Variants in MYH9 observed in about 807,000 individuals in gnomAD.
MYH9 encodes the protein myosin-9.
A neutral mutation model predicts 241.9 loss-of-function variants in MYH9; 29 were observed. The ratio of observed to expected loss-of-function variants is 0.12; its 90% CI spans 0.09 to 0.16. The LOEUF (loss-of-function observed/expected upper bound fraction) is 0.16, where lower values mean the gene tolerates loss of function less well. MYH9 is among the 10% of genes least tolerant of loss of function. MYH9 has a pLI of 1.00. For missense variants in MYH9, 1,803 were observed against 2,595.5 expected (o/e 0.69, Z 6.63); for synonymous variants, 1,047 against 1,062.6 (o/e 0.99, Z 0.29).
At chr22:36,348,835 A>AGGGGGGGGGGGGGGGGGGG in intron 2 of MYH9, 69 bp downstream of exon 2, 5 of 868,990 alleles carry the variant, frequency 5.8e-6, no homozygotes, top group East Asian at 6.0e-5. Context: ...GGTGATGGGA[A>AGGGGGGGGGGGGGGGGGGG]GACCCGCCCC....
chr22:36,382,248 G>A (rs932440617), intron 1 of MYH9, among the ~76,000 whole-genome samples: 6 of 152,164 alleles, frequency 3.9e-5, no homozygotes, highest in Non-Finnish European at 8.8e-5. Flanking sequence ...GCCAAGGCGG[G>A]CGGATCACCT....
At chr22:36,299,408 CCT>C (rs745835495) in intron 23 of MYH9, among the ~76,000 whole-genome samples, 6 of 152,224 alleles carry the variant, frequency 3.9e-5, no homozygotes, top group Admixed American at 6.5e-5. Flanking sequence ...TCTCCGTGCC[CCT>C]CTCTCACCTG....
At chr22:36,307,481 C>T (rs1163919487) in intron 15 of MYH9, among the ~76,000 whole-genome samples, 3 of 152,222 alleles carry the variant, frequency 2.0e-5, no homozygotes, top group Non-Finnish European at 2.9e-5. Context: ...TGACGAAGCC[C>T]GTTTCGTATT....
At chr22:36,286,023 G>A (rs2016574613) in intron 35 of MYH9, 70 bp from the exon 36 acceptor site, 1 of 1,561,118 alleles carries the variant, frequency 6.4e-7, no homozygotes, top group Non-Finnish European at 8.7e-7. Flanking sequence ...CCCAGCCCCA[G>A]GCACCCTCCC....
chr22:36,316,461 A>G, intron 12 of MYH9, 56 bp downstream of exon 12: 1 of 1,613,328 alleles, frequency 6.2e-7, no homozygotes, highest in Admixed American at 1.7e-5. Flanking sequence ...AACCAAGGAT[A>G]AGGCAACCAA....
chr22:36,312,596 A>C (rs4820228), intron 13 of MYH9, among the ~76,000 whole-genome samples: 80,086 of 151,952 alleles, frequency 0.53, 23,759 homozygotes, highest in Non-Finnish European at 0.68. Flanking sequence ...GGAGATGCCA[A>C]CCCACATGCT....
intron 1 of MYH9, among the ~76,000 whole-genome samples, chr22:36,378,799 T>C (rs2018211177): frequency 6.6e-6 from 1 of 152,178 alleles, no homozygotes; most frequent in African/African-American, 2.4e-5. Context: ...CAGTATGTGT[T>C]GCTTGGCTAA....
At position 36,285,134 on chromosome 22, in the gene MYH9, C is replaced by T. The variant is rs376154206; in HGVS notation, c.5470G>A (p.Asp1824Asn). The part of the protein sequence containing the change: ...AKIAQLEEQL[D>N]NETKERQAAC... ...AGGGGCACGTACTTGGTCTCGTTGT[C>T]CAGCTGCTCCTCCAGCTGTGCAATC... Residue 1824 changes from aspartate (D) to asparagine (N), a missense_variant, in exon 38 of 41, where the codon GAC becomes AAC. By Grantham distance (23) the Asp-to-Asn change is conservative. Transcript: ENST00000216181. The surrounding 1 kb of genome is among the most constrained non-coding windows in gnomAD (Gnocchi z 7.0). 1 of 1,614,014 alleles carries T rather than the reference C, an allele frequency of 6.2e-7. No homozygotes were observed. The highest frequency in any genetic ancestry group is 8.5e-7 in the Non-Finnish European group (1 of 1,180,016).
rs542890016 is a variant in MYH9 at position 36,321,902 on chromosome 22, C to T, written c.706-81G>A. 166 of 1,244,036 alleles carry T rather than the reference C, an allele frequency of 1.3e-4. No homozygotes were observed. The South Asian group carries it at 1.9e-3, about 14-fold the overall frequency. The allele number at this position is 1,244,036 out of a possible 1,614,324, so 77.1% of individuals were successfully genotyped here. A position where few individuals can be genotyped will look rare whatever the true frequency, so the allele number is the denominator to read the frequency against. On this transcript the variant is annotated intron_variant, in intron 6 of 40. Transcript: ENST00000216181. ...GAGCACGGGGGAGACCACAGCCCCC[C>T]GCCCCACCTCCGGTGGGCACAGCTT...
intron 1 of MYH9, among the ~76,000 whole-genome samples, chr22:36,362,989 A>G (rs2017958551): frequency 6.6e-6 from 1 of 152,018 alleles, no homozygotes; most frequent in Non-Finnish European, 1.5e-5. Context: ...CCCCTGCTAC[A>G]ACCCTCCATT....
chr22:36,292,312 G>A, intron 30 of MYH9, 78 bp from the exon 31 acceptor site: 11 of 1,592,254 alleles, frequency 6.9e-6, no homozygotes, highest in Non-Finnish European at 7.7e-6. Context: ...GGGCAGCTGG[G>A]AGCCTGCCTG....
At position 36,382,452 on chromosome 22, in the gene MYH9, G is replaced by A. The variant is rs1194840344; in HGVS notation, c.-20+5355C>T. Among the ~76,000 whole-genome samples, 3 of 151,928 alleles carry A rather than the reference G, an allele frequency of 2.0e-5. No homozygotes were observed. In the East Asian group the frequency reaches 5.8e-4, roughly 29 times the overall value. On this transcript the variant is annotated intron_variant, in intron 1 of 40. Coordinates refer to ENST00000216181, the MANE Select transcript of MYH9 (RefSeq NM_002473.6). ...ATCACACCACTGCACTCCAGCCTGGGCAACAGAGCGAGACTCAGTCTCAAA... is the reference window on the plus strand; with the variant it reads ...ATCACACCACTGCACTCCAGCCTGGACAACAGAGCGAGACTCAGTCTCAAA...
At chr22:36,373,324 C>T (rs2034503598) in intron 1 of MYH9, among the ~76,000 whole-genome samples, 1 of 152,150 alleles carries the variant, frequency 6.6e-6, no homozygotes, top group African/African-American at 2.4e-5. Context: ...GGCTATTTCC[C>T]AAGCCTCCCT....
chr22:36,319,577 C>T lies in MYH9; in HGVS notation c.1071G>A (p.Glu357=). The part of the protein sequence containing the change: ...LQLGNIVFKK[E]RNTDQASMPD... Reference sequence around the variant, plus strand: ...GCATGGACGCCTGGTCAGTGTTCCGCTCCTTCTTGAAGACGATGTTGCCGA... The same window carrying T: ...GCATGGACGCCTGGTCAGTGTTCCGTTCCTTCTTGAAGACGATGTTGCCGA... Residue 357 remains glutamate, a synonymous_variant, in exon 10 of 41, where the codon GAG becomes GAA. Coordinates refer to ENST00000216181, the MANE Select transcript of MYH9 (RefSeq NM_002473.6). 2.5e-6 allele frequency: 4 copies of T among 1,614,186 alleles called. No homozygotes were observed. Among genetic ancestry groups the T allele is most frequent in the Non-Finnish European group, 3.4e-6 (4 of 1,180,038 alleles).
intron 5 of MYH9, chr22:36,324,893 T>C (rs2017311228): frequency 1.7e-6 from 1 of 591,590 alleles, no homozygotes; most frequent in Non-Finnish European, 3.0e-6. Context: ...AGTGCTGCCT[T>C]CCCCTCTACA....
intron 12 of MYH9, among the ~76,000 whole-genome samples, chr22:36,316,098 CG>C (rs1456682252): frequency 7.1e-6 from 1 of 141,614 alleles, no homozygotes. Context: ...AGTGCAATGG[CG>C]TGATCTCGGC....
intron 2 of MYH9, among the ~76,000 whole-genome samples, chr22:36,342,556 C>A (rs542338867): frequency 1.3e-4 from 20 of 152,150 alleles, no homozygotes; most frequent in Non-Finnish European, 1.3e-4. Flanking sequence ...GGGAAATATA[C>A]TTTACCTTGT....
intron 3 of MYH9, among the ~76,000 whole-genome samples, chr22:36,340,206 T>TAAAG (rs1569536438): frequency 8.4e-4 from 126 of 150,414 alleles, no homozygotes; most frequent in African/African-American, 2.9e-3. Flanking sequence ...GCCATTACTT[T>TAAAG]TAATGGCAAA....
chr22:36,331,990 G>T (rs2017427704), intron 3 of MYH9, among the ~76,000 whole-genome samples: 1 of 152,204 alleles, frequency 6.6e-6, no homozygotes, highest in South Asian at 2.1e-4. Context: ...AGTGGCCCCT[G>T]GGGGGTGGCT....
Sources: gnomAD v4.1 joint callset for allele counts (sites outside exome capture counted in the v4.1 genomes callset) on GRCh38, gnomAD v4.1.1 for gene constraint, Gnocchi (gnomAD v3.1) non-coding constraint, MANE v1.5 for transcripts, NCBI Gene and HGNC (gene_info 2026-07-23, HGNC 2026-07-21) for gene names.